SORCS2: variants seen among roughly 807,000 people sequenced by gnomAD.
The protein encoded by SORCS2 is sortilin related VPS10 domain containing receptor 2.
SORCS2 carries 100 observed loss-of-function variants against 141.6 expected under a neutral mutation model. That is an observed-to-expected ratio of 0.71 (90% CI 0.60 to 0.83). SORCS2 has a LOEUF of 0.83. Ranked by LOEUF, SORCS2 falls within the 40% of genes least tolerant of loss-of-function variation. SORCS2 has a pLI of 0.00. For missense variants in SORCS2, 1,646 were observed against 1,560.2 expected, an observed-to-expected ratio of 1.05 and a Z score of -0.93; for synonymous variants, 789 against 676.9, an observed-to-expected ratio of 1.17 and a Z score of -2.57.
At chr4:7,339,534 G>A (rs566925204) in intron 1 of SORCS2, among the ~76,000 whole-genome samples, 1 of 152,282 alleles carries the variant, frequency 6.6e-6, no homozygotes, top group South Asian at 2.1e-4. Flanking sequence ...TGGCGTGCAT[G>A]GCCTGTAGAT....
chr4:7,620,442 A>AC (rs1719087787), intron 3 of SORCS2, among the ~76,000 whole-genome samples: 3 of 151,794 alleles, frequency 2.0e-5, no homozygotes, highest in African/African-American at 7.3e-5. Context: ...CTGGCCATTC[A>AC]CCCCCACATC....
chr4:7,588,845 G>C (rs988760446), intron 3 of SORCS2, among the ~76,000 whole-genome samples: 2 of 152,200 alleles, frequency 1.3e-5, no homozygotes, highest in African/African-American at 4.8e-5. Flanking sequence ...GGTATATTTT[G>C]CTTTCTTGCT....
chr4:7,361,549 C>T (rs1424765385), intron 1 of SORCS2, among the ~76,000 whole-genome samples: 5 of 112,498 alleles, frequency 4.4e-5, no homozygotes, highest in South Asian at 3.1e-4. Flanking sequence ...CAGCTGCAGG[C>T]CCCCTGCCTC....
chr4:7,384,963 C>T (rs1723204788), intron 1 of SORCS2, among the ~76,000 whole-genome samples: 1 of 152,244 alleles, frequency 6.6e-6, no homozygotes, highest in African/African-American at 2.4e-5. Context: ...AGGGAAAGGC[C>T]TGTACTCACT....
At position 7,364,525 on chromosome 4, in the gene SORCS2, G is replaced by A. The variant is rs1027372441; in HGVS notation, c.481-31763G>A. 4.6e-5 allele frequency among the ~76,000 whole-genome samples: 7 copies of A among 152,170 alleles called. 1 individual carries two copies. The highest frequency in any genetic ancestry group is 4.6e-4 in the Admixed American group (7 of 15,274). On this transcript the variant is annotated intron_variant, in intron 1 of 26. Transcript: ENST00000507866. ...TCAATGGGGTGTACTCCTGAAGGAG[G>A]CCTGTTTCTGGGCAGTCTCCTCCTT...
At chr4:7,222,884 C>G (rs1275678458) in intron 1 of SORCS2, among the ~76,000 whole-genome samples, 1 of 152,074 alleles carries the variant, frequency 6.6e-6, no homozygotes, top group East Asian at 1.9e-4. Context: ...GGCTGGAAAC[C>G]ATTCCTCTTC....
intron 1 of SORCS2, among the ~76,000 whole-genome samples, chr4:7,298,962 G>A (rs1560173914): frequency 6.6e-6 from 1 of 152,374 alleles, no homozygotes; most frequent in East Asian, 1.9e-4. Flanking sequence ...AAGTGACCCA[G>A]CATCGCAGAG....
chr4:7,242,815 C>T (rs1486962949), intron 1 of SORCS2, among the ~76,000 whole-genome samples: 1 of 152,244 alleles, frequency 6.6e-6, no homozygotes, highest in Non-Finnish European at 1.5e-5. Flanking sequence ...TAGCTGCAAA[C>T]ATGTCTATGA....
At chr4:7,235,011 G>A (rs1392643511) in intron 1 of SORCS2, among the ~76,000 whole-genome samples, 1 of 152,240 alleles carries the variant, frequency 6.6e-6, no homozygotes, top group Non-Finnish European at 1.5e-5. Context: ...GAGCAGGAGC[G>A]AGTTGGGCAC....
intron 17 of SORCS2, 110 bp downstream of exon 17, chr4:7,715,421 G>T: frequency 1.3e-6 from 2 of 1,496,008 alleles, no homozygotes; most frequent in Non-Finnish European, 1.8e-6. Context: ...CTCCCAAGTG[G>T]AGTCGGGGAA....
chr4:7,555,492 C>T (rs1490930292), intron 3 of SORCS2, among the ~76,000 whole-genome samples: 1 of 152,362 alleles, frequency 6.6e-6, no homozygotes, highest in African/African-American at 2.4e-5. Flanking sequence ...TGTGGTGCCT[C>T]AGCTCATCTC....
chr4:7,511,460 A>T (rs901648595), intron 2 of SORCS2, among the ~76,000 whole-genome samples: 3 of 148,050 alleles, frequency 2.0e-5, no homozygotes, highest in Non-Finnish European at 4.5e-5. Flanking sequence ...ACACACACAG[A>T]TACACACACA....
intron 1 of SORCS2, among the ~76,000 whole-genome samples, chr4:7,381,536 C>T (rs1345011546): frequency 6.6e-6 from 1 of 152,206 alleles, no homozygotes; most frequent in East Asian, 1.9e-4. Context: ...TGAAGGCTGT[C>T]CCCCGTGAGT....
chr4:7,446,333 C>T (rs1434576013), intron 2 of SORCS2, among the ~76,000 whole-genome samples: 2 of 152,230 alleles, frequency 1.3e-5, no homozygotes, highest in Non-Finnish European at 2.9e-5. Context: ...AGCACCGCCC[C>T]TGCCATGGCA....
chr4:7,419,283 A>C (rs898106211), intron 2 of SORCS2, among the ~76,000 whole-genome samples: 13 of 152,102 alleles, frequency 8.5e-5, no homozygotes, highest in African/African-American at 2.9e-4. Context: ...TAGGGTCCTG[A>C]GGGCAAAGCT....
At chr4:7,225,524 G>A (rs1417562512) in intron 1 of SORCS2, among the ~76,000 whole-genome samples, 1 of 152,212 alleles carries the variant, frequency 6.6e-6, no homozygotes, top group Non-Finnish European at 1.5e-5. Context: ...CACGGCCAAC[G>A]CTTGATGATG....
At chr4:7,540,393 C>A (rs1178560001) in intron 3 of SORCS2, among the ~76,000 whole-genome samples, 1 of 152,126 alleles carries the variant, frequency 6.6e-6, no homozygotes, top group African/African-American at 2.4e-5. Flanking sequence ...GGCTAGGAAA[C>A]CCTGTGAGTC....
intron 1 of SORCS2, among the ~76,000 whole-genome samples, chr4:7,280,238 G>T (rs1249122670): frequency 6.6e-6 from 1 of 152,014 alleles, no homozygotes; most frequent in Non-Finnish European, 1.5e-5. Context: ...TCAACACCCA[G>T]GAAATCACAC....
chr4:7,242,596 A>G (rs998331598), intron 1 of SORCS2, among the ~76,000 whole-genome samples: 4 of 151,976 alleles, frequency 2.6e-5, no homozygotes, highest in African/African-American at 9.7e-5. Context: ...CTGGGCTATC[A>G]TGTCCTTTGC....
Sources: gnomAD v4.1 joint callset for allele counts (sites outside exome capture counted in the v4.1 genomes callset) on GRCh38, gnomAD v4.1.1 for gene constraint, MANE v1.5 for transcripts, NCBI Gene and HGNC (gene_info 2026-07-23, HGNC 2026-07-21) for gene names.